DAP: variants seen among roughly 807,000 people sequenced by gnomAD.
The protein encoded by DAP is death associated protein.
DAP carries 8 observed loss-of-function variants against 13.8 expected under a neutral mutation model. The ratio of observed to expected loss-of-function variants is 0.58; its 90% confidence interval spans 0.34 to 1.05. The LOEUF is 1.05. Ranked by LOEUF, DAP falls within the 50% of genes least tolerant of loss-of-function variation. The pLI is 0.03. For missense variants in DAP, 106 were observed against 133.2 expected, an observed-to-expected ratio of 0.80 and a Z score of 1.01; for synonymous variants, 47 against 47.5, an observed-to-expected ratio of 0.99 and a Z score of 0.04.
At chr5:10,722,538 A>G (rs1739171590) in intron 2 of DAP, among the ~76,000 whole-genome samples, 1 of 148,824 alleles carries the variant, frequency 6.7e-6, no homozygotes, top group Admixed American at 6.8e-5. Flanking sequence ...ATGCATATAT[A>G]TACATATATA....
chr5:10,682,533 G>A (rs1187298376), intron 3 of DAP, among the ~76,000 whole-genome samples: 5 of 146,488 alleles, frequency 3.4e-5, no homozygotes, highest in African/African-American at 7.6e-5. Flanking sequence ...CCAGGCCAGC[G>A]CCCACCAGCG....
intron 2 of DAP, among the ~76,000 whole-genome samples, chr5:10,694,404 A>T (rs1297259683): frequency 1.3e-5 from 2 of 151,954 alleles, no homozygotes; most frequent in Non-Finnish European, 1.5e-5. Context: ...ACACACACAC[A>T]CACACGCACA....
At chr5:10,693,120 A>G (rs1305799226) in intron 2 of DAP, among the ~76,000 whole-genome samples, 1 of 40,244 alleles carries the variant, frequency 2.5e-5, no homozygotes, top group Admixed American at 3.2e-4. Context: ...AGAAACATGC[A>G]CACGCACACA....
Position 10,680,352 on chromosome 5 carries a change from G to A in DAP, c.*704C>T. Reference sequence around the variant, plus strand: ...TGATCTCCTGGTGGAGCCTGTCTGGGCTGAGGCGATGCTGGGCTTGCCGTG... The same window carrying A: ...TGATCTCCTGGTGGAGCCTGTCTGGACTGAGGCGATGCTGGGCTTGCCGTG... On this transcript the variant is annotated 3_prime_UTR_variant, in exon 4 of 4. Coordinates refer to ENST00000230895, the MANE Select transcript of DAP (RefSeq NM_004394.3). The A allele has an allele frequency of 3.9e-6, 1 of 258,292 alleles. No homozygotes were observed. The highest frequency in any genetic ancestry group is 5.4e-5 in the South Asian group (1 of 18,670). The allele number at this position is 258,292 out of a possible 1,614,324, so 16.0% of individuals were successfully genotyped here. A position where few individuals can be genotyped will look rare whatever the true frequency, so the allele number is the denominator to read the frequency against.
At chr5:10,745,442 G>T (rs1739875223) in intron 2 of DAP, among the ~76,000 whole-genome samples, 1 of 152,216 alleles carries the variant, frequency 6.6e-6, no homozygotes, top group Non-Finnish European at 1.5e-5. Context: ...ATACCCTGCA[G>T]TCGGCCTGCT....
At chr5:10,743,118 G>A (rs1451681003) in intron 2 of DAP, among the ~76,000 whole-genome samples, 1 of 152,172 alleles carries the variant, frequency 6.6e-6, no homozygotes, top group Admixed American at 6.5e-5. Context: ...GGCAATTTCA[G>A]AATTGCTAAA....
At chr5:10,743,720 G>A (rs376762431) in intron 2 of DAP, among the ~76,000 whole-genome samples, 25 of 152,122 alleles carry the variant, frequency 1.6e-4, no homozygotes, top group African/African-American at 5.1e-4. Flanking sequence ...CTCGACAAAA[G>A]GCTTGGAAAC....
intron 1 of DAP, 70 bp from the exon 2 acceptor site, chr5:10,748,341 G>T: frequency 7.3e-7 from 1 of 1,366,970 alleles, no homozygotes; most frequent in Non-Finnish European, 1.0e-6. Context: ...GGGACCAGCT[G>T]GAAAGGTTCT....
At chr5:10,710,511 AG>A (rs1738820485) in intron 2 of DAP, among the ~76,000 whole-genome samples, 1 of 152,184 alleles carries the variant, frequency 6.6e-6, no homozygotes, top group South Asian at 2.1e-4. Context: ...GAGGCCACAG[AG>A]CGCTCTGAGT....
intron 1 of DAP, among the ~76,000 whole-genome samples, chr5:10,754,951 C>T (rs1023343605): frequency 1.3e-5 from 2 of 152,120 alleles, no homozygotes; most frequent in Admixed American, 6.5e-5. Flanking sequence ...CTGGGCTACA[C>T]GGCCAGGGGA....
chr5:10,689,495 G>A (rs1738245969), intron 2 of DAP, among the ~76,000 whole-genome samples: 1 of 152,232 alleles, frequency 6.6e-6, no homozygotes, highest in African/African-American at 2.4e-5. Context: ...AATTCACGGA[G>A]ATAGCTCCTT....
At chr5:10,760,902 A>G in intron 1 of DAP, 112 bp downstream of exon 1, 1 of 675,500 alleles carries the variant, frequency 1.5e-6, no homozygotes, top group Non-Finnish European at 2.0e-6. Context: ...CAAGGCCCGG[A>G]ACCCGTCTCA....
At position 10,750,079 on chromosome 5, in the gene DAP, C is replaced by A. The variant is rs141553940; in HGVS notation, c.56-1808G>T. On this transcript the variant is annotated intron_variant, in intron 1 of 3. Coordinates refer to ENST00000230895, the MANE Select transcript of DAP (RefSeq NM_004394.3). ...CTTGTAGTCATTGGCCCCCCAGGCT[C>A]TGGATGTGGGCCTTACTGAGCTTTA... is the stretch of plus-strand genomic sequence containing the variant. Among the ~76,000 whole-genome samples, 263 of 152,240 alleles carry A rather than the reference C, an allele frequency of 1.7e-3. 1 individual carries two copies. The highest frequency in any genetic ancestry group is 6.0e-3 in the African/African-American group (250 of 41,532).
At position 10,707,101 on chromosome 5, in the gene DAP, C is replaced by T. The variant is rs984081899; in HGVS notation, c.153-23530G>A. ...CCCAAGTCAGTCGGCCAGTTTGCAA[C>T]GTCTGAGGTGGCTGGGGCTCAATGT... On this transcript the variant is annotated intron_variant, in intron 2 of 3. Coordinates refer to ENST00000230895, the MANE Select transcript of DAP (RefSeq NM_004394.3). The surrounding 1 kb of genome is among the most constrained non-coding windows in gnomAD (Gnocchi z 4.0). 1.4e-4 allele frequency among the ~76,000 whole-genome samples: 22 copies of T among 152,168 alleles called. No homozygotes were observed. Among genetic ancestry groups the T allele is most frequent in the African/African-American group, 4.6e-4 (19 of 41,438 alleles).
intron 2 of DAP, among the ~76,000 whole-genome samples, chr5:10,727,110 G>C (rs959797178): frequency 1.3e-5 from 2 of 152,172 alleles, no homozygotes; most frequent in African/African-American, 4.8e-5. Flanking sequence ...CTCCTTATAC[G>C]AACATTATTA....
At chr5:10,749,396 A>G (rs1284882704) in intron 1 of DAP, among the ~76,000 whole-genome samples, 7 of 152,056 alleles carry the variant, frequency 4.6e-5, no homozygotes, top group Non-Finnish European at 1.0e-4. Context: ...CTGTCTTCCA[A>G]AGCCTCCACA....
intron 1 of DAP, among the ~76,000 whole-genome samples, chr5:10,756,840 C>T (rs1740197263): frequency 6.6e-6 from 1 of 152,220 alleles, no homozygotes; most frequent in Non-Finnish European, 1.5e-5. Flanking sequence ...GCTATGACTG[C>T]TGTTAGATGA....
chr5:10,729,434 A>G (rs1739381789), intron 2 of DAP, among the ~76,000 whole-genome samples: 2 of 152,180 alleles, frequency 1.3e-5, no homozygotes, highest in Admixed American at 1.3e-4. Context: ...ACTTCTCTTA[A>G]TTTAGATTGG....
intron 2 of DAP, among the ~76,000 whole-genome samples, chr5:10,727,657 A>G (rs1396847161): frequency 1.3e-5 from 2 of 152,234 alleles, no homozygotes; most frequent in East Asian, 3.9e-4. Flanking sequence ...TGGAAAGGGG[A>G]GCAGAGTTTG....
Sources: allele counts gnomAD v4.1 joint callset (sites outside exome capture counted in the v4.1 genomes callset), GRCh38; gene constraint gnomAD v4.1.1; non-coding constraint Gnocchi (gnomAD v3.1); transcripts MANE v1.5; gene names NCBI Gene and HGNC (gene_info 2026-07-23, HGNC 2026-07-21).